Variants in LOXL2 observed in about 807,000 individuals in gnomAD.
The protein encoded by LOXL2 is lysyl oxidase like 2.
LOXL2 carries 70 observed loss-of-function variants against 93.0 expected under a neutral mutation model. The observed-to-expected ratio is 0.75, with a 90% CI of 0.62 to 0.92. The LOEUF (loss-of-function observed/expected upper bound fraction) is 0.92. Ranked by LOEUF, LOXL2 falls within the 40% of genes least tolerant of loss-of-function variation. The pLI, the probability that LOXL2 is intolerant of heterozygous loss-of-function variation, is 0.00. For missense variants in LOXL2, 973 were observed against 1,054.9 expected, an observed-to-expected ratio of 0.92 and a Z score of 1.08; for synonymous variants, 438 against 413.2, an observed-to-expected ratio of 1.06 and a Z score of -0.73.
chr8:23,306,908 A>C (rs906934582), intron 10 of LOXL2, among the ~76,000 whole-genome samples: 2 of 152,252 alleles, frequency 1.3e-5, no homozygotes, highest in Admixed American at 1.3e-4. Context: ...CACAGTGCAC[A>C]TGAGACAGAA....
intron 3 of LOXL2, among the ~76,000 whole-genome samples, chr8:23,344,256 A>G (rs1803932064): frequency 6.6e-6 from 1 of 152,218 alleles, no homozygotes; most frequent in African/African-American, 2.4e-5. Flanking sequence ...TCCACGATGA[A>G]GGCAATGCAG....
intron 11 of LOXL2, among the ~76,000 whole-genome samples, chr8:23,302,895 G>A (rs1298203452): frequency 2.0e-5 from 3 of 152,180 alleles, no homozygotes; most frequent in Non-Finnish European, 4.4e-5. Context: ...ATTGAAGGGT[G>A]ACACCTGGTG....
chr8:23,359,637 C>T lies in LOXL2; in HGVS notation c.531+453G>A, dbSNP rs938140556. On this transcript the variant is annotated intron_variant, in intron 3 of 13. Coordinates refer to ENST00000389131, the MANE Select transcript of LOXL2 (RefSeq NM_002318.3). ...GCCCTTCCTCAATTCCTGACTCTCA[C>T]AAACTGTGCAAGATAATAAAGATTC... Among the ~76,000 whole-genome samples the T allele has an allele frequency of 3.3e-5, 5 of 152,214 alleles. No individual in the cohort carries two copies. The South Asian group carries it at 8.3e-4, about 25-fold the overall frequency.
chr8:23,323,594 C>T (rs4425760), intron 6 of LOXL2, among the ~76,000 whole-genome samples: 110,341 of 151,998 alleles, frequency 0.73, 40,198 homozygotes, highest in Non-Finnish European at 0.76. Context: ...CAGCTTGAGG[C>T]TGAAGATTAG....
chr8:23,340,503 T>C (rs988305263), intron 4 of LOXL2, among the ~76,000 whole-genome samples: 2 of 152,244 alleles, frequency 1.3e-5, no homozygotes, highest in Admixed American at 1.3e-4. Flanking sequence ...TGGGATTGGA[T>C]GAAGTGAACT....
chr8:23,403,108 G>A (rs1487769188), intron 1 of LOXL2, among the ~76,000 whole-genome samples: 1 of 152,150 alleles, frequency 6.6e-6, no homozygotes, highest in Non-Finnish European at 1.5e-5. Context: ...ACACCCAGAG[G>A]GCTTCCAAAT....
At chr8:23,380,465 G>C (rs1307885222) in intron 1 of LOXL2, among the ~76,000 whole-genome samples, 4 of 150,488 alleles carry the variant, frequency 2.7e-5, no homozygotes, top group Non-Finnish European at 5.9e-5. Flanking sequence ...CCATTTTCCT[G>C]GATTATCCAA....
At chr8:23,346,192 A>AAT (rs1803981048) in intron 3 of LOXL2, among the ~76,000 whole-genome samples, 2 of 117,432 alleles carry the variant, frequency 1.7e-5, no homozygotes, top group African/African-American at 7.9e-5. Context: ...TAATAAAATA[A>AAT]AATAAAATAA....
chr8:23,395,845 T>C (rs1800082310), intron 1 of LOXL2, among the ~76,000 whole-genome samples: 1 of 152,036 alleles, frequency 6.6e-6, no homozygotes, highest in Admixed American at 6.6e-5. Flanking sequence ...GGCTAATTTT[T>C]GTAATTTTAG....
At chr8:23,375,179 C>T (rs1033641773) in intron 1 of LOXL2, among the ~76,000 whole-genome samples, 7 of 152,116 alleles carry the variant, frequency 4.6e-5, no homozygotes, top group Non-Finnish European at 8.8e-5. Context: ...GCCAGTTTTC[C>T]CAGCACCATT....
intron 1 of LOXL2, among the ~76,000 whole-genome samples, chr8:23,379,375 C>T (rs1049873071): frequency 2.6e-5 from 4 of 152,200 alleles, no homozygotes; most frequent in Admixed American, 6.5e-5. Context: ...TTAGGCTACT[C>T]GGGGGTCAGG....
At chr8:23,356,088 C>T (rs1487764272) in intron 3 of LOXL2, among the ~76,000 whole-genome samples, 3 of 152,160 alleles carry the variant, frequency 2.0e-5, no homozygotes, top group Admixed American at 6.5e-5. Flanking sequence ...TAATTTTATA[C>T]TCCAGCAATC....
In LOXL2 at chr8:23,322,117, C is replaced by G; in HGVS notation, c.1302+13G>C. 6.2e-7 allele frequency: 1 copy of G among 1,613,372 alleles called. No homozygotes were observed. Among genetic ancestry groups the G allele is most frequent in the Middle Eastern group, 1.7e-4 (1 of 6,042 alleles). On this transcript the variant is annotated intron_variant, in intron 7 of 13. Transcript: ENST00000389131. ...CTCAGTTACAGTCCCCTCTAGGTGTCCAGTCCCATCACCTTCTTCTGCAAG... is the reference window on the plus strand; with the variant it reads ...CTCAGTTACAGTCCCCTCTAGGTGTGCAGTCCCATCACCTTCTTCTGCAAG...
intron 1 of LOXL2, among the ~76,000 whole-genome samples, chr8:23,391,193 T>C (rs1804838752): frequency 6.6e-6 from 1 of 152,160 alleles, no homozygotes; most frequent in Admixed American, 6.5e-5. Flanking sequence ...AGCCAAATCA[T>C]ATCAATGCCT....
intron 8 of LOXL2, among the ~76,000 whole-genome samples, chr8:23,319,248 G>A (rs945732445): frequency 4.3e-5 from 6 of 138,160 alleles, no homozygotes; most frequent in African/African-American, 1.6e-4. Flanking sequence ...ATTAGACCCA[G>A]AGCCTCCTAT....
chr8:23,390,497 A>AT lies in LOXL2; in HGVS notation c.-84+13456dup, dbSNP rs370935710. 9.1e-3 allele frequency among the ~76,000 whole-genome samples: 1,384 copies of AT among 152,176 alleles called. 11 individuals are homozygous for AT. The highest frequency in any genetic ancestry group is 0.032 in the African/African-American group (1,311 of 41,524). On this transcript the variant is annotated intron_variant, in intron 1 of 13. Coordinates refer to ENST00000389131, the MANE Select transcript of LOXL2 (RefSeq NM_002318.3). ...TGAGAAGGTAAGCATACAAAACTGC[A>AT]TTTTTTCCCCCAGCCTCCAAAAAGA...
intron 3 of LOXL2, among the ~76,000 whole-genome samples, chr8:23,344,557 C>T (rs1563196947): frequency 6.6e-6 from 1 of 151,714 alleles, no homozygotes; most frequent in Non-Finnish European, 1.5e-5. Flanking sequence ...GTATATGTCT[C>T]TGTGTGTGTG....
chr8:23,368,817 G>A (rs1424518846), intron 1 of LOXL2, among the ~76,000 whole-genome samples: 1 of 152,174 alleles, frequency 6.6e-6, no homozygotes, highest in Non-Finnish European at 1.5e-5. Context: ...GGGAGCCTGC[G>A]GGGGTGAGAA....
In LOXL2 at chr8:23,343,210, A is replaced by G. The variant is rs150822979; in HGVS notation, c.532-2007T>C. Reference sequence around the variant, plus strand: ...AGCTTCACATGGATCCACAAACACCATGAATTGCAGTATATAATAGCAACA... The same window carrying G: ...AGCTTCACATGGATCCACAAACACCGTGAATTGCAGTATATAATAGCAACA... On this transcript the variant is annotated intron_variant, in intron 3 of 13. Transcript: ENST00000389131. Among the ~76,000 whole-genome samples, 10 of 152,310 alleles carry G rather than the reference A, an allele frequency of 6.6e-5. No homozygotes were observed. In the East Asian group the frequency reaches 1.9e-3, roughly 29 times the overall value.
Sources: gnomAD v4.1 joint callset for allele counts (sites outside exome capture counted in the v4.1 genomes callset) on GRCh38, gnomAD v4.1.1 for gene constraint, MANE v1.5 for transcripts, NCBI Gene and HGNC (gene_info 2026-07-23, HGNC 2026-07-21) for gene names.